The following ZMIZ1 variants were observed in gnomAD, a reference collection of about 807,000 sequenced individuals.
ZMIZ1 encodes zinc finger MIZ-type containing 1.
In ZMIZ1, 17 loss-of-function variants were observed where a neutral mutation model predicts 113.9. The ratio of observed to expected loss-of-function variants is 0.15; its 90% CI spans 0.10 to 0.22. The LOEUF (loss-of-function observed/expected upper bound fraction) is 0.22, where lower values mean the gene tolerates loss of function less well. Ranked by LOEUF, ZMIZ1 falls within the 10% of genes least tolerant of loss-of-function variation. The pLI is 1.00. For synonymous variants in ZMIZ1, 607 were observed against 603.1 expected, an observed-to-expected ratio of 1.01 and a Z score of -0.09; for missense variants, 1,059 against 1,477.8, an observed-to-expected ratio of 0.72 and a Z score of 4.65.
chr10:79,107,690 G>A (rs1266885292), intron 1 of ZMIZ1, among the ~76,000 whole-genome samples: 1 of 152,228 alleles, frequency 6.6e-6, no homozygotes, highest in East Asian at 1.9e-4. Flanking sequence ...GCTACTTGGA[G>A]CAGGGCTTGC....
chr10:79,134,751 A>G (rs1219507740), intron 2 of ZMIZ1, among the ~76,000 whole-genome samples: 1 of 152,194 alleles, frequency 6.6e-6, no homozygotes, highest in East Asian at 1.9e-4. Flanking sequence ...CATCAAACCC[A>G]TGATTTCACA....
intron 17 of ZMIZ1, among the ~76,000 whole-genome samples, chr10:79,301,630 G>C (rs1854305809): frequency 6.6e-6 from 1 of 152,190 alleles, no homozygotes; most frequent in Non-Finnish European, 1.5e-5. Context: ...ACAGAGATAG[G>C]GGTCACAGAC....
In ZMIZ1 at chr10:79,118,474, G is replaced by T. The variant is rs1305959840; in HGVS notation, c.-336-441G>T. Among the ~76,000 whole-genome samples the T allele has an allele frequency of 7.2e-5, 11 of 152,200 alleles. No homozygotes were observed. The highest frequency in any genetic ancestry group is 1.3e-4 in the Admixed American group (2 of 15,286). On this transcript the variant is annotated intron_variant, in intron 1 of 24. Transcript: ENST00000334512. The surrounding 1 kb of genome is among the most constrained non-coding windows in gnomAD (Gnocchi z 4.1). ...AGCCCACTGGAGATGAACAAGCAAG[G>T]AGGGGCTGGTGAGAGAGGGCTCCAC...
At chr10:79,301,663 G>C (rs1437444723) in intron 17 of ZMIZ1, among the ~76,000 whole-genome samples, 1 of 152,188 alleles carries the variant, frequency 6.6e-6, no homozygotes. Flanking sequence ...TCCCATTCTG[G>C]CTGGGGAATG....
At chr10:79,204,774 G>C (rs1848241684) in intron 5 of ZMIZ1, among the ~76,000 whole-genome samples, 2 of 152,250 alleles carry the variant, frequency 1.3e-5, no homozygotes, top group South Asian at 4.2e-4. Flanking sequence ...AGTTAGATGG[G>C]TGGGTGGGTG....
intron 7 of ZMIZ1, among the ~76,000 whole-genome samples, chr10:79,226,921 A>G (rs1250592): frequency 0.64 from 97,265 of 152,090 alleles, 31,173 homozygotes; most frequent in East Asian, 0.78. Flanking sequence ...TGATGCAACC[A>G]ACATTAAGTT....
chr10:79,216,480 C>G, intron 7 of ZMIZ1: 1 of 447,810 alleles, frequency 2.2e-6, no homozygotes, highest in Non-Finnish European at 4.0e-6. Context: ...AGTATACTTG[C>G]CTCAGGGGTA....
At chr10:79,166,073 G>C (rs1846336287) in intron 4 of ZMIZ1, among the ~76,000 whole-genome samples, 1 of 150,038 alleles carries the variant, frequency 6.7e-6, no homozygotes, top group Non-Finnish European at 1.5e-5. Flanking sequence ...GTGGCTGTCT[G>C]TCCTCATCTC....
intron 2 of ZMIZ1, among the ~76,000 whole-genome samples, chr10:79,124,744 G>A (rs1589301175): frequency 6.6e-6 from 1 of 152,200 alleles, no homozygotes; most frequent in East Asian, 1.9e-4. Flanking sequence ...CCTATACAGA[G>A]TGGAAGAGTA....
At chr10:79,298,370 T>C (rs1411744001) in intron 14 of ZMIZ1, 36 bp from the exon 15 acceptor site, 1 of 1,593,086 alleles carries the variant, frequency 6.3e-7, no homozygotes, top group East Asian at 2.3e-5. Context: ...GTCTCCGTAA[T>C]CCCATAACTC....
At chr10:79,202,668 C>T (rs898992460) in intron 5 of ZMIZ1, among the ~76,000 whole-genome samples, 2 of 152,196 alleles carry the variant, frequency 1.3e-5, no homozygotes, top group African/African-American at 2.4e-5. Flanking sequence ...TTTGGACTGC[C>T]GGGAGGTGGG....
chr10:79,073,815 C>T (rs961620284), intron 1 of ZMIZ1, among the ~76,000 whole-genome samples: 2 of 146,918 alleles, frequency 1.4e-5, no homozygotes, highest in Non-Finnish European at 1.5e-5. Context: ...GAAGGGGGTG[C>T]GTGATGAGGG....
intron 7 of ZMIZ1, among the ~76,000 whole-genome samples, chr10:79,272,070 A>C (rs780700365): frequency 2.4e-4 from 37 of 152,098 alleles, no homozygotes; most frequent in Non-Finnish European, 7.4e-5. Context: ...GGAGTTCGAA[A>C]CCAGCCTGGC....
At chr10:79,080,291 C>T (rs955574957) in intron 1 of ZMIZ1, among the ~76,000 whole-genome samples, 1 of 145,322 alleles carries the variant, frequency 6.9e-6, no homozygotes, top group African/African-American at 2.6e-5. Flanking sequence ...GCAGAAAGCT[C>T]GGGTGTGACT....
At chr10:79,211,079 G>A (rs1406825383) in intron 6 of ZMIZ1, among the ~76,000 whole-genome samples, 8 of 152,218 alleles carry the variant, frequency 5.3e-5, no homozygotes, top group Non-Finnish European at 5.9e-5. Flanking sequence ...TTAGAGCTCA[G>A]TAGAGCCAGC....
intron 1 of ZMIZ1, among the ~76,000 whole-genome samples, chr10:79,074,435 AG>A (rs1842403469): frequency 6.6e-6 from 1 of 152,236 alleles, no homozygotes; most frequent in South Asian, 2.1e-4. Context: ...TGCCCCCAGT[AG>A]CTGTGTCCCT....
Position 79,307,385 on chromosome 10 carries a change from C to T in ZMIZ1, c.2669-20C>T. Reference sequence around the variant, plus strand: ...TCCCTCTGGGTGACCCCCTCCCCTCCCCATCTCATCCCTTCCTAGGCAACA... The same window carrying T: ...TCCCTCTGGGTGACCCCCTCCCCTCTCCATCTCATCCCTTCCTAGGCAACA... On this transcript the variant is annotated intron_variant, in intron 22 of 24. Transcript: ENST00000334512. The T allele has an allele frequency of 1.2e-6, 2 of 1,610,256 alleles. No individual in the cohort carries two copies. Among genetic ancestry groups the T allele is most frequent in the Non-Finnish European group, 1.7e-6 (2 of 1,178,020 alleles).
chr10:79,277,190 C>T lies in ZMIZ1; in HGVS notation c.290C>T (p.Ser97Phe), dbSNP rs1484611861. The change falls in exon 8 of 25, where the codon TCC becomes TTC. Residue 97 changes from serine to phenylalanine, a missense_variant. By Grantham distance (155) the Ser-to-Phe change is radical. Coordinates refer to ENST00000334512, the MANE Select transcript of ZMIZ1 (RefSeq NM_020338.4). ...KFTPKSAALL[S>F]SWCEELGRLL... ...CCTGTCCTTCCTGCAGCCTTGTTGTCCTCCTGGTGCGAAGAGCTCGGCCGC... is the reference window on the plus strand; with the variant it reads ...CCTGTCCTTCCTGCAGCCTTGTTGTTCTCCTGGTGCGAAGAGCTCGGCCGC... The T allele has an allele frequency of 1.3e-6, 2 of 1,549,248 alleles. No homozygotes were observed. Among genetic ancestry groups the T allele is most frequent in the Non-Finnish European group, 1.7e-6 (2 of 1,147,698 alleles).
At chr10:79,303,517 G>A (rs1383182125) in intron 18 of ZMIZ1, among the ~76,000 whole-genome samples, 3 of 132,512 alleles carry the variant, frequency 2.3e-5, no homozygotes, top group African/African-American at 7.7e-5. Flanking sequence ...CCCTTTGAAG[G>A]AGACTCCGGG....
Sources: gnomAD v4.1 joint callset for allele counts (sites outside exome capture counted in the v4.1 genomes callset) on GRCh38, gnomAD v4.1.1 for gene constraint, Gnocchi (gnomAD v3.1) non-coding constraint, MANE v1.5 for transcripts, NCBI Gene and HGNC (gene_info 2026-07-23, HGNC 2026-07-21) for gene names.